Variants in FAM151B observed in about 807,000 individuals in gnomAD.
FAM151B encodes the protein family with sequence similarity 151 member B.
In FAM151B, 24 loss-of-function variants were observed where a neutral mutation model predicts 31.2. That is an observed-to-expected ratio of 0.77 (90% CI 0.56 to 1.08). The LOEUF is 1.08. FAM151B is among the 50% of genes least tolerant of loss of function. The pLI, the probability that FAM151B is intolerant of heterozygous loss-of-function variation, is 0.00. For synonymous variants in FAM151B, 105 were observed against 111.4 expected (o/e 0.94, Z 0.36); for missense variants, 293 against 328.6 (o/e 0.89, Z 0.84).
At chr5:80,501,186 T>C (rs1743728003) in intron 1 of FAM151B, 1 of 315,606 alleles carries the variant, frequency 3.2e-6, no homozygotes, top group African/African-American at 2.2e-5. Flanking sequence ...GCTAATTTTT[T>C]TTTTTTTATT....
chr5:80,501,776 A>G lies in FAM151B; in HGVS notation c.26-16A>G. 1 of 1,566,780 alleles carries G rather than the reference A, an allele frequency of 6.4e-7. No homozygotes were observed. The highest frequency in any genetic ancestry group is 1.2e-5 in the South Asian group (1 of 83,872). Reference sequence around the variant, plus strand: ...AAAAAACAATATCACTTTTCATGTAAACACTGTTATTTTAGGATCTTGGAG... The same window carrying G: ...AAAAAACAATATCACTTTTCATGTAGACACTGTTATTTTAGGATCTTGGAG... On this transcript the variant is annotated splice_polypyrimidine_tract_variant and intron_variant, in intron 1 of 5. Coordinates refer to ENST00000282226, the MANE Select transcript of FAM151B (RefSeq NM_205548.3).
chr5:80,501,003 C>T, intron 1 of FAM151B: 1 of 589,556 alleles, frequency 1.7e-6, no homozygotes, highest in Non-Finnish European at 3.0e-6. Flanking sequence ...AAAAGACCAT[C>T]CATTTTTATT....
chr5:80,494,065 G>A (rs1561358916), intron 1 of FAM151B, among the ~76,000 whole-genome samples: 2 of 152,090 alleles, frequency 1.3e-5, no homozygotes, highest in Non-Finnish European at 2.9e-5. Context: ...GACACTTAGG[G>A]AAAATAGAAA....
rs1745918751 is a variant in FAM151B at position 80,541,911 on chromosome 5, A to G, written c.*79A>G. On this transcript the variant is annotated 3_prime_UTR_variant, in exon 6 of 6. Transcript: ENST00000282226. ...TTGGTCTGAATTAATTACCATATAA[A>G]TTATGGTTATTGATTGACGTTCCAA... 2 of 1,393,970 alleles carry G rather than the reference A, an allele frequency of 1.4e-6. No individual in the cohort carries two copies. Among genetic ancestry groups the G allele is most frequent in the Admixed American group, 5.0e-5 (2 of 39,766 alleles). The allele number at this position is 1,393,970 out of a possible 1,614,324, so 86.4% of individuals were successfully genotyped here. A position where few individuals can be genotyped will look rare whatever the true frequency, so the allele number is the denominator to read the frequency against.
intron 1 of FAM151B, among the ~76,000 whole-genome samples, chr5:80,491,163 A>C (rs1743318629): frequency 6.6e-6 from 1 of 151,782 alleles, no homozygotes; most frequent in African/African-American, 2.4e-5. Context: ...GAGAACATTT[A>C]AAATCTACTC....
At chr5:80,531,108 A>G (rs1745224084) in intron 5 of FAM151B, among the ~76,000 whole-genome samples, 1 of 152,208 alleles carries the variant, frequency 6.6e-6, no homozygotes, top group Non-Finnish European at 1.5e-5. Context: ...CTGATCTTTG[A>G]CAAACCTGAC....
At chr5:80,535,704 A>G (rs1745466149) in intron 5 of FAM151B, among the ~76,000 whole-genome samples, 1 of 152,210 alleles carries the variant, frequency 6.6e-6, no homozygotes, top group Admixed American at 6.5e-5. Context: ...GTAATACCCC[A>G]CAAGCAAGGC....
Position 80,541,937 on chromosome 5 carries a change from G to A in FAM151B, c.*105G>A. ...TTATGGTTATTGATTGACGTTCCAA[G>A]TCATCTAATCAAGAAACGTTTATTG... On this transcript the variant is annotated 3_prime_UTR_variant, in exon 6 of 6. Transcript: ENST00000282226. 8.1e-7 allele frequency: 1 copy of A among 1,241,828 alleles called. No homozygotes were observed. Among genetic ancestry groups the A allele is most frequent in the Non-Finnish European group, 1.1e-6 (1 of 904,526 alleles). The allele number at this position is 1,241,828 out of a possible 1,614,324, so 76.9% of individuals were successfully genotyped here.
At chr5:80,523,013 G>A (rs1250135608) in intron 5 of FAM151B, among the ~76,000 whole-genome samples, 2 of 152,088 alleles carry the variant, frequency 1.3e-5, no homozygotes, top group Non-Finnish European at 2.9e-5. Context: ...CTGGTTTTAG[G>A]ACAACAGGCT....
chr5:80,527,581 T>C (rs1745027794), intron 5 of FAM151B, among the ~76,000 whole-genome samples: 1 of 152,210 alleles, frequency 6.6e-6, no homozygotes, highest in Non-Finnish European at 1.5e-5. Context: ...TACTGAATAA[T>C]GTAGGTAATT....
At chr5:80,488,423 G>T (rs1743193257) in intron 1 of FAM151B, among the ~76,000 whole-genome samples, 1 of 152,256 alleles carries the variant, frequency 6.6e-6, no homozygotes, top group African/African-American at 2.4e-5. Flanking sequence ...GTCTGGGTTG[G>T]AAAGAAAGGA....
At chr5:80,529,673 C>A (rs1252064942) in intron 5 of FAM151B, among the ~76,000 whole-genome samples, 1 of 152,104 alleles carries the variant, frequency 6.6e-6, no homozygotes, top group Non-Finnish European at 1.5e-5. Context: ...ATATACCCTC[C>A]CAAGACTAAA....
intron 5 of FAM151B, among the ~76,000 whole-genome samples, chr5:80,522,729 T>C (rs1019701669): frequency 1.3e-5 from 2 of 152,152 alleles, no homozygotes; most frequent in Non-Finnish European, 2.9e-5. Flanking sequence ...ACAACTGTAC[T>C]ACAGCCTAGG....
rs1743692420 is a variant in FAM151B, at chr5:80,500,182, T to G, written c.26-1610T>G. 20 of 477,686 alleles carry G rather than the reference T, an allele frequency of 4.2e-5. 2 individuals carry two copies. In the South Asian group the frequency reaches 4.7e-4, roughly 11 times the overall value. The allele number at this position is 477,686 out of a possible 1,614,324, so 29.6% of individuals were successfully genotyped here. On this transcript the variant is annotated intron_variant, in intron 1 of 5. Coordinates refer to ENST00000282226, the MANE Select transcript of FAM151B (RefSeq NM_205548.3). Reference sequence around the variant, plus strand: ...AAAATAGTGTATGATCTCACTTATATGTGGAATAAAAAAAAATCAAATATA... The same window carrying G: ...AAAATAGTGTATGATCTCACTTATAGGTGGAATAAAAAAAAATCAAATATA...
At chr5:80,504,728 T>C (rs148545161) in intron 2 of FAM151B, among the ~76,000 whole-genome samples, 7,411 of 151,888 alleles carry the variant, frequency 0.049, 296 homozygotes, top group East Asian at 0.12. Context: ...CCATGTTGGC[T>C]AGGATGGTCT....
intron 1 of FAM151B, among the ~76,000 whole-genome samples, chr5:80,497,012 T>C (rs1385196151): frequency 6.6e-6 from 1 of 151,872 alleles, no homozygotes; most frequent in Non-Finnish European, 1.5e-5. Context: ...GGTTTCAACA[T>C]ATTGGCCAGG....
At chr5:80,517,143 G>A (rs1744485222) in intron 3 of FAM151B, among the ~76,000 whole-genome samples, 1 of 150,922 alleles carries the variant, frequency 6.6e-6, no homozygotes, top group African/African-American at 2.4e-5. Flanking sequence ...ATGCTATTTT[G>A]AGAGAGAGAG....
intron 3 of FAM151B, among the ~76,000 whole-genome samples, chr5:80,517,780 A>G (rs1355111910): frequency 6.6e-6 from 1 of 152,094 alleles, no homozygotes; most frequent in Non-Finnish European, 1.5e-5. Context: ...GCTGTTTGAA[A>G]CTGGATATTG....
At chr5:80,512,771 C>A (rs188014594) in intron 2 of FAM151B, among the ~76,000 whole-genome samples, 23 of 132,948 alleles carry the variant, frequency 1.7e-4, no homozygotes, top group Non-Finnish European at 2.6e-4. Flanking sequence ...CAGGGTAAGA[C>A]CCTGTTTCTA....
Sources: allele counts gnomAD v4.1 joint callset (sites outside exome capture counted in the v4.1 genomes callset), GRCh38; gene constraint gnomAD v4.1.1; transcripts MANE v1.5; gene names NCBI Gene and HGNC (gene_info 2026-07-23, HGNC 2026-07-21).